ZNF385D: variants seen among roughly 807,000 people sequenced by gnomAD.
ZNF385D encodes zinc finger protein 385D.
In ZNF385D, 15 loss-of-function variants were observed where a neutral mutation model predicts 35.8. The ratio of observed to expected loss-of-function variants is 0.42; its 90% CI spans 0.28 to 0.64. The LOEUF is 0.64. Ranked by LOEUF, ZNF385D falls within the 30% of genes least tolerant of loss-of-function variation. ZNF385D has a pLI of 0.23. For missense variants in ZNF385D, 474 were observed against 494.6 expected (o/e 0.96, Z 0.39); for synonymous variants, 212 against 186.8 (o/e 1.13, Z -1.10).
intron 3 of ZNF385D, among the ~76,000 whole-genome samples, chr3:22,043,964 G>A (rs1422677586): frequency 1.3e-5 from 2 of 152,002 alleles, no homozygotes; most frequent in Non-Finnish European, 2.9e-5. Context: ...GGCTGGAGTG[G>A]GTTGAGAATA....
chr3:21,574,292 A>G (rs936735778), intron 2 of ZNF385D, among the ~76,000 whole-genome samples: 1 of 152,082 alleles, frequency 6.6e-6, no homozygotes, highest in African/African-American at 2.4e-5. Flanking sequence ...CACACAAGAA[A>G]AGTCTCTACG....
intron 2 of ZNF385D, among the ~76,000 whole-genome samples, chr3:22,363,419 T>C (rs563921316): frequency 1.3e-4 from 20 of 152,270 alleles, no homozygotes; most frequent in Non-Finnish European, 2.2e-4. Context: ...TTCTAGAAAT[T>C]AAAATGTTTG....
intron 2 of ZNF385D, among the ~76,000 whole-genome samples, chr3:21,644,408 G>C (rs1559484559): frequency 6.6e-6 from 1 of 152,032 alleles, no homozygotes; most frequent in Non-Finnish European, 1.5e-5. Flanking sequence ...ACAGAATGCA[G>C]GTTCACACAC....
At chr3:21,763,013 TA>T (rs1163993761) in intron 3 of ZNF385D, among the ~76,000 whole-genome samples, 1 of 152,106 alleles carries the variant, frequency 6.6e-6, no homozygotes, top group Non-Finnish European at 1.5e-5. Flanking sequence ...TGTCATTGAG[TA>T]GGTACTCAAC....
chr3:21,456,948 T>C (rs1438061632), intron 4 of ZNF385D, among the ~76,000 whole-genome samples: 1 of 152,092 alleles, frequency 6.6e-6, no homozygotes, highest in Non-Finnish European at 1.5e-5. Flanking sequence ...CTTTTTCTTC[T>C]CCATTGCAGT....
chr3:21,927,953 G>A (rs1700814558), intron 3 of ZNF385D, among the ~76,000 whole-genome samples: 1 of 152,154 alleles, frequency 6.6e-6, no homozygotes, highest in Non-Finnish European at 1.5e-5. Flanking sequence ...GCTAGACATG[G>A]TGGCTTGTGC....
At chr3:22,162,254 C>G (rs551429288) in intron 3 of ZNF385D, among the ~76,000 whole-genome samples, 2 of 152,222 alleles carry the variant, frequency 1.3e-5, no homozygotes, top group Admixed American at 6.5e-5. Flanking sequence ...AAATATATTT[C>G]TTTGGCATAT....
chr3:21,634,298 GAGAGGAAGGGAAGGGAGAAAGGAA>G (rs558865493), intron 2 of ZNF385D, among the ~76,000 whole-genome samples: 3 of 150,220 alleles, frequency 2.0e-5, no homozygotes, highest in South Asian at 4.3e-4. Context: ...AGGAAGAAAG[GAGAGGAAGGGAAGGGAGAAAGGAA>G]AGAGGAAGGA....
intron 1 of ZNF385D, among the ~76,000 whole-genome samples, chr3:21,670,857 C>G (rs2066555903): frequency 6.6e-6 from 1 of 151,760 alleles, no homozygotes; most frequent in South Asian, 2.1e-4. Context: ...ACAACTGATG[C>G]TGCTCCGTTT....
At chr3:22,281,952 A>G (rs957419051) in intron 2 of ZNF385D, among the ~76,000 whole-genome samples, 2 of 151,838 alleles carry the variant, frequency 1.3e-5, no homozygotes, top group South Asian at 2.1e-4. Context: ...CAGAGTTTCT[A>G]TTTCCTCTTG....
At chr3:21,807,879 C>T (rs2072724494) in intron 3 of ZNF385D, among the ~76,000 whole-genome samples, 1 of 152,138 alleles carries the variant, frequency 6.6e-6, no homozygotes, top group Non-Finnish European at 1.5e-5. Context: ...ACCCTAAATT[C>T]AAAGTCTGCA....
At chr3:21,707,203 G>C (rs2067938462) in intron 1 of ZNF385D, among the ~76,000 whole-genome samples, 1 of 152,050 alleles carries the variant, frequency 6.6e-6, no homozygotes, top group Non-Finnish European at 1.5e-5. Flanking sequence ...CTCCTATTTA[G>C]ATTGGCTTCA....
chr3:22,225,061 C>A (rs1439599923), intron 2 of ZNF385D, among the ~76,000 whole-genome samples: 2 of 152,102 alleles, frequency 1.3e-5, no homozygotes, highest in African/African-American at 2.4e-5. Flanking sequence ...GCAATATTTG[C>A]AATTACAGAT....
chr3:22,210,337 G>C (rs1304623300), intron 2 of ZNF385D, among the ~76,000 whole-genome samples: 6 of 151,748 alleles, frequency 4.0e-5, no homozygotes, highest in Admixed American at 3.3e-4. Context: ...AAATTTGAAT[G>C]GTGGTTCTAT....
At chr3:21,940,190 T>C (rs1044155104) in intron 3 of ZNF385D, among the ~76,000 whole-genome samples, 1 of 152,158 alleles carries the variant, frequency 6.6e-6, no homozygotes, top group Non-Finnish European at 1.5e-5. Context: ...TATTTCTCTA[T>C]TCCTTTTTTC....
intron 2 of ZNF385D, among the ~76,000 whole-genome samples, chr3:22,283,873 A>G (rs555060916): frequency 5.8e-4 from 89 of 152,288 alleles, no homozygotes; most frequent in African/African-American, 2.0e-3. Flanking sequence ...TCTTAACAGG[A>G]ATAATGCATT....
At chr3:22,322,542 T>G (rs1401951457) in intron 2 of ZNF385D, among the ~76,000 whole-genome samples, 1 of 152,184 alleles carries the variant, frequency 6.6e-6, no homozygotes, top group African/African-American at 2.4e-5. Flanking sequence ...TCTATCCCAA[T>G]CTTTTCTCAC....
chr3:21,812,520 C>G (rs2072966645), intron 3 of ZNF385D, among the ~76,000 whole-genome samples: 1 of 152,256 alleles, frequency 6.6e-6, no homozygotes, highest in African/African-American at 2.4e-5. Flanking sequence ...TTCCAACAGT[C>G]TTAGCAAATG....
chr3:21,461,167 C>CT (rs1318578598), intron 4 of ZNF385D, among the ~76,000 whole-genome samples: 2 of 152,148 alleles, frequency 1.3e-5, no homozygotes, highest in Admixed American at 6.5e-5. Context: ...AAAGAAAACT[C>CT]TCTGCCTTTC....
Sources: gnomAD v4.1 joint callset for allele counts (sites outside exome capture counted in the v4.1 genomes callset) on GRCh38, gnomAD v4.1.1 for gene constraint, MANE v1.5 for transcripts, NCBI Gene and HGNC (gene_info 2026-07-23, HGNC 2026-07-21) for gene names.